POU6F2: variants seen among roughly 807,000 people sequenced by gnomAD.
The protein encoded by POU6F2 is POU class 6 homeobox 2.
Under a neutral mutation model 71.3 loss-of-function variants are expected in POU6F2, and 31 were observed. The ratio of observed to expected loss-of-function variants is 0.43; its 90% CI spans 0.33 to 0.59. The LOEUF (loss-of-function observed/expected upper bound fraction) is 0.59. Among genes scored for constraint, POU6F2 ranks in the 20% least tolerant of loss-of-function variants. The pLI is 0.04. For synonymous variants in POU6F2, 347 were observed against 355.7 expected, an observed-to-expected ratio of 0.98 and a Z score of 0.27; for missense variants, 783 against 856.8, an observed-to-expected ratio of 0.91 and a Z score of 1.07.
At chr7:39,456,259 C>CA (rs1788802517) in intron 8 of POU6F2, among the ~76,000 whole-genome samples, 1 of 152,158 alleles carries the variant, frequency 6.6e-6, no homozygotes, top group African/African-American at 2.4e-5. Context: ...TGAACCCAAC[C>CA]TCCCCAGAGC....
intron 4 of POU6F2, among the ~76,000 whole-genome samples, chr7:39,231,949 G>A (rs1794584828): frequency 6.6e-6 from 1 of 152,186 alleles, no homozygotes; most frequent in African/African-American, 2.4e-5. Context: ...CAGAGCCCCT[G>A]TCCATGATGA....
At chr7:39,369,588 T>C (rs1190007132) in intron 5 of POU6F2, among the ~76,000 whole-genome samples, 6 of 152,132 alleles carry the variant, frequency 3.9e-5, no homozygotes, top group African/African-American at 1.4e-4. Context: ...GGTCTTGAAC[T>C]CCTGACCTCA....
chr7:39,016,562 G>A (rs528148306), intron 1 of POU6F2, among the ~76,000 whole-genome samples: 3 of 151,654 alleles, frequency 2.0e-5, no homozygotes, highest in Non-Finnish European at 4.4e-5. Context: ...CTCCCCCCCC[G>A]CTTACAGTTC....
At chr7:39,081,688 G>A (rs1791121231) in intron 1 of POU6F2, among the ~76,000 whole-genome samples, 1 of 152,148 alleles carries the variant, frequency 6.6e-6, no homozygotes, top group African/African-American at 2.4e-5. Context: ...AGCAATGTCA[G>A]CCAGAGAGCT....
At chr7:39,137,173 G>A (rs1056112149) in intron 2 of POU6F2, among the ~76,000 whole-genome samples, 1 of 152,142 alleles carries the variant, frequency 6.6e-6, no homozygotes, top group African/African-American at 2.4e-5. Context: ...AATGATTAAT[G>A]TTTGAAATGG....
intron 1 of POU6F2, among the ~76,000 whole-genome samples, chr7:39,010,882 T>A (rs1103163): frequency 0.2 from 29,846 of 151,594 alleles, 3,186 homozygotes; most frequent in Middle Eastern, 0.27. Flanking sequence ...CACTGTGGTC[T>A]GAGAGATAGT....
intron 1 of POU6F2, among the ~76,000 whole-genome samples, chr7:39,060,203 G>A (rs1419553157): frequency 6.0e-5 from 9 of 150,074 alleles, no homozygotes; most frequent in East Asian, 5.9e-4. Context: ...GCAAAATTCC[G>A]TCTCAAAAAA....
chr7:39,408,999 T>A (rs935024121), intron 6 of POU6F2, among the ~76,000 whole-genome samples: 1 of 152,232 alleles, frequency 6.6e-6, no homozygotes, highest in African/African-American at 2.4e-5. Flanking sequence ...TTGTGTTTTT[T>A]GTTTGTGTGT....
intron 1 of POU6F2, among the ~76,000 whole-genome samples, chr7:39,015,682 T>TTA (rs1789473118): frequency 1.0e-5 from 1 of 95,728 alleles, no homozygotes; most frequent in Non-Finnish European, 2.0e-5. Context: ...TATATCTATG[T>TTA]TATATATCTA....
chr7:39,350,450 A>C (rs1360464544), intron 5 of POU6F2, among the ~76,000 whole-genome samples: 1 of 152,172 alleles, frequency 6.6e-6, no homozygotes, highest in Non-Finnish European at 1.5e-5. Flanking sequence ...AAATATAAAT[A>C]ATCTTGAACT....
intron 2 of POU6F2, among the ~76,000 whole-genome samples, chr7:39,195,279 T>C (rs1793762848): frequency 6.6e-6 from 1 of 152,210 alleles, no homozygotes; most frequent in Non-Finnish European, 1.5e-5. Context: ...GAAGAACCAC[T>C]GTCTTCTGTG....
At position 39,309,240 on chromosome 7, in the gene POU6F2, C is replaced by G. The variant is rs142086017; in HGVS notation, c.599-30402C>G. ...GGTCCAAGGAATTTTCTTTAAGAAG[C>G]AACGCCGGAGCCTCCACAAGGGAGG... On this transcript the variant is annotated intron_variant, in intron 4 of 9. Coordinates refer to ENST00000518318, the MANE Select transcript of POU6F2 (RefSeq NM_001370959.1). Among the ~76,000 whole-genome samples, 273 of 152,332 alleles carry G rather than the reference C, an allele frequency of 1.8e-3. 3 individuals carry two copies. The highest frequency in any genetic ancestry group is 5.7e-3 in the African/African-American group (237 of 41,576).
intron 2 of POU6F2, among the ~76,000 whole-genome samples, chr7:39,121,919 A>G (rs1224568983): frequency 6.6e-6 from 1 of 152,142 alleles, no homozygotes; most frequent in Non-Finnish European, 1.5e-5. Flanking sequence ...GGCTGGTCTC[A>G]AACTCTTGAC....
At chr7:39,253,628 GT>G (rs1358577718) in intron 4 of POU6F2, among the ~76,000 whole-genome samples, 1 of 152,158 alleles carries the variant, frequency 6.6e-6, no homozygotes. Context: ...AGCATGTAAT[GT>G]AGGTCACAAT....
chr7:39,153,475 G>T (rs1008112428), intron 2 of POU6F2, among the ~76,000 whole-genome samples: 3 of 152,046 alleles, frequency 2.0e-5, no homozygotes, highest in African/African-American at 7.3e-5. Context: ...AAAAAATAGG[G>T]AGTCATTTCA....
chr7:39,009,884 TG>T (rs2128702709), intron 1 of POU6F2, among the ~76,000 whole-genome samples: 1 of 151,452 alleles, frequency 6.6e-6, no homozygotes, highest in Non-Finnish European at 1.5e-5. Flanking sequence ...CACTTGATCA[TG>T]GTGGATAAGC....
rs544163074 is a variant in POU6F2, at chr7:39,310,932, C to T, written c.599-28710C>T. ...GAAGAGGCATGAAGCAGGACAATGGCGACCTCAAGCCGACTTCCTTTGTTT... is the reference window on the plus strand; with the variant it reads ...GAAGAGGCATGAAGCAGGACAATGGTGACCTCAAGCCGACTTCCTTTGTTT... On this transcript the variant is annotated intron_variant, in intron 4 of 9. Coordinates refer to ENST00000518318, the MANE Select transcript of POU6F2 (RefSeq NM_001370959.1). Among the ~76,000 whole-genome samples, 5 of 152,218 alleles carry T rather than the reference C, an allele frequency of 3.3e-5. No homozygotes were observed. The East Asian group carries it at 7.7e-4, about 24-fold the overall frequency.
rs1223254052 is a variant in POU6F2, at chr7:39,012,790, G to A, written c.105+34732G>A. On this transcript the variant is annotated intron_variant, in intron 1 of 9. Coordinates refer to ENST00000518318, the MANE Select transcript of POU6F2 (RefSeq NM_001370959.1). ...TCTGTTGGAATACCCTGCCGTGTGA[G>A]GTGTCAGTGTGCCCCTGCTGGGGGG... is the stretch of plus-strand genomic sequence containing the variant. Among the ~76,000 whole-genome samples the A allele has an allele frequency of 2.8e-4, 42 of 150,834 alleles. No individual in the cohort carries two copies. In the South Asian group the frequency reaches 7.5e-3, roughly 27 times the overall value.
At chr7:39,464,000 G>A (rs1222017575) in intron 9 of POU6F2, among the ~76,000 whole-genome samples, 182 bp from the exon 10 acceptor site, 1 of 152,188 alleles carries the variant, frequency 6.6e-6, no homozygotes, top group Non-Finnish European at 1.5e-5. Flanking sequence ...TGTGTGGTTT[G>A]CATGGTCTGG....
Sources: gnomAD v4.1 joint callset for allele counts (sites outside exome capture counted in the v4.1 genomes callset) on GRCh38, gnomAD v4.1.1 for gene constraint, MANE v1.5 for transcripts, NCBI Gene and HGNC (gene_info 2026-07-23, HGNC 2026-07-21) for gene names.